EYS: variants seen among roughly 807,000 people sequenced by gnomAD.
EYS encodes the protein EGF-like photoreceptor maintenance factor, also known as protein eyes shut homolog.
A neutral mutation model predicts 282.1 loss-of-function variants in EYS; 250 were observed. That is an observed-to-expected ratio of 0.89 (90% CI 0.80 to 0.98). The LOEUF (loss-of-function observed/expected upper bound fraction) is 0.98, where lower values mean the gene tolerates loss of function less well. Ranked by LOEUF, EYS falls within the 50% of genes least tolerant of loss-of-function variation. EYS has a pLI of 0.00. For missense variants in EYS, 4,016 were observed against 3,709.0 expected (o/e 1.08, Z -2.15); for synonymous variants, 1,355 against 1,282.9 (o/e 1.06, Z -1.20).
chr6:65,591,441 G>T (rs1024503182), intron 2 of EYS, among the ~76,000 whole-genome samples: 1 of 151,832 alleles, frequency 6.6e-6, no homozygotes, highest in Non-Finnish European at 1.5e-5. Flanking sequence ...TATTGGGAAG[G>T]TCCTTGGAAT....
At chr6:65,512,857 C>A (rs1273365006) in intron 2 of EYS, among the ~76,000 whole-genome samples, 1 of 152,014 alleles carries the variant, frequency 6.6e-6, no homozygotes, top group Non-Finnish European at 1.5e-5. Context: ...AAAATTGACA[C>A]CCTAACATCA....
chr6:65,295,666 TAGTC>T (rs1768639925), intron 12 of EYS, 193 bp downstream of exon 12: 4 of 582,826 alleles, frequency 6.9e-6, no homozygotes, highest in South Asian at 2.2e-5. Flanking sequence ...CAAGGCTGTG[TAGTC>T]AGATTAAATT....
At chr6:63,910,079 A>G (rs1269656865) in intron 35 of EYS, among the ~76,000 whole-genome samples, 1 of 152,234 alleles carries the variant, frequency 6.6e-6, no homozygotes, top group Non-Finnish European at 1.5e-5. Flanking sequence ...GGAGCTTAAA[A>G]GAAGACTGAA....
intron 28 of EYS, chr6:64,412,851 A>G (rs1773945362): frequency 6.6e-6 from 1 of 152,194 alleles, no homozygotes; most frequent in Admixed American, 6.6e-5. Context: ...CAAACTAAAA[A>G]TTCACAAAGA....
chr6:65,522,283 T>C (rs1161889686), intron 2 of EYS, among the ~76,000 whole-genome samples: 1 of 152,172 alleles, frequency 6.6e-6, no homozygotes, highest in African/African-American at 2.4e-5. Flanking sequence ...TAGTATAACA[T>C]AGTTTTTATA....
intron 26 of EYS, among the ~76,000 whole-genome samples, chr6:64,533,681 T>A (rs1216947550): frequency 6.6e-6 from 1 of 151,930 alleles, no homozygotes; most frequent in Non-Finnish European, 1.5e-5. Context: ...ATATAAAAAT[T>A]ACTAAAAATA....
At chr6:64,913,559 G>T (rs977446581) in intron 15 of EYS, among the ~76,000 whole-genome samples, 2 of 152,052 alleles carry the variant, frequency 1.3e-5, no homozygotes, top group Non-Finnish European at 2.9e-5. Context: ...GCCTCTAGCT[G>T]CATCCATATT....
chr6:64,903,561 AATATCTCAGC>A (rs950798259), intron 16 of EYS, among the ~76,000 whole-genome samples: 37 of 152,210 alleles, frequency 2.4e-4, no homozygotes, highest in African/African-American at 8.9e-4. Context: ...TTCTATCACA[AATATCTCAGC>A]ATGTTCAGTT....
At chr6:64,689,464 A>T (rs996796013) in intron 22 of EYS, among the ~76,000 whole-genome samples, 31 of 149,016 alleles carry the variant, frequency 2.1e-4, no homozygotes, top group African/African-American at 6.6e-4. Flanking sequence ...AGAACTGGAA[A>T]AAAAAAAACT....
intron 22 of EYS, among the ~76,000 whole-genome samples, chr6:64,640,357 G>A (rs1241909153): frequency 1.3e-5 from 2 of 152,098 alleles, no homozygotes; most frequent in Admixed American, 1.3e-4. Context: ...AAGAAAATGT[G>A]GCACATATAC....
chr6:64,275,813 A>T (rs375512882), intron 30 of EYS, among the ~76,000 whole-genome samples: 16 of 150,622 alleles, frequency 1.1e-4, no homozygotes, highest in Admixed American at 5.9e-4. Context: ...ATAAAATAAA[A>T]AAATAGCTGG....
At chr6:65,468,961 C>T (rs1274153618) in intron 5 of EYS, among the ~76,000 whole-genome samples, 3 of 151,988 alleles carry the variant, frequency 2.0e-5, no homozygotes, top group Admixed American at 6.6e-5. Flanking sequence ...TACTTAAATA[C>T]TTTTCTTTAC....
chr6:65,126,513 T>C (rs941348711), intron 12 of EYS, among the ~76,000 whole-genome samples: 1 of 152,086 alleles, frequency 6.6e-6, no homozygotes, highest in East Asian at 1.9e-4. Context: ...TGCCAGTTAA[T>C]AGGCAAGCAC....
At chr6:64,668,936 A>G (rs1162874001) in intron 22 of EYS, among the ~76,000 whole-genome samples, 2 of 151,990 alleles carry the variant, frequency 1.3e-5, no homozygotes, top group East Asian at 3.9e-4. Context: ...TATTTAGTTT[A>G]AATAAATCAC....
At chr6:63,900,360 A>C (rs1274386505) in intron 35 of EYS, among the ~76,000 whole-genome samples, 4 of 152,222 alleles carry the variant, frequency 2.6e-5, no homozygotes, top group Admixed American at 6.5e-5. Context: ...CCAGAAAATA[A>C]GTACAATGGG....
chr6:65,470,322 T>C (rs1765162539), intron 5 of EYS, among the ~76,000 whole-genome samples: 1 of 152,116 alleles, frequency 6.6e-6, no homozygotes, highest in Non-Finnish European at 1.5e-5. Flanking sequence ...TTGGTATCAT[T>C]CTGAAGATTA....
At chr6:64,948,473 T>C (rs1208640273) in intron 14 of EYS, among the ~76,000 whole-genome samples, 2 of 146,968 alleles carry the variant, frequency 1.4e-5, no homozygotes, top group Non-Finnish European at 3.0e-5. Flanking sequence ...AAATATTAAA[T>C]ATTAATAACT....
rs935035589 is a variant in EYS at position 64,845,289 on chromosome 6, T to TA, written c.2993-22468dup. ...CTGGGTGACAGAGAAAGTGCTTATCTAAAAAAAAAATTAAAAATAAAATTT... is the reference window on the plus strand; with the variant it reads ...CTGGGTGACAGAGAAAGTGCTTATCTAAAAAAAAAAATTAAAAATAAAATTT... On this transcript the variant is annotated intron_variant, in intron 19 of 42. Coordinates refer to ENST00000503581, the MANE Select transcript of EYS (RefSeq NM_001142800.2). 1.1e-3 allele frequency among the ~76,000 whole-genome samples: 161 copies of TA among 149,642 alleles called. 1 individual carries two copies. The highest frequency in any genetic ancestry group is 1.6e-3 in the Non-Finnish European group (109 of 67,204).
At chr6:64,516,436 C>G (rs1856156) in intron 26 of EYS, among the ~76,000 whole-genome samples, 4 of 151,294 alleles carry the variant, frequency 2.6e-5, no homozygotes, top group Non-Finnish European at 4.4e-5. Context: ...CACCTGTACC[C>G]CTGAACTTAA....
Sources: allele counts gnomAD v4.1 joint callset (sites outside exome capture counted in the v4.1 genomes callset), GRCh38; gene constraint gnomAD v4.1.1; transcripts MANE v1.5; gene names NCBI Gene and HGNC (gene_info 2026-07-23, HGNC 2026-07-21).